MARCHF11: variants seen among roughly 807,000 people sequenced by gnomAD.
The protein encoded by MARCHF11 is E3 ubiquitin-protein ligase MARCHF11.
Under a neutral mutation model 37.3 loss-of-function variants are expected in MARCHF11, and 29 were observed. That is an observed-to-expected ratio of 0.78 (90% CI 0.58 to 1.06). The LOEUF is 1.06. Among genes scored for constraint, MARCHF11 ranks in the 50% least tolerant of loss-of-function variants. The probability of loss-of-function intolerance (pLI) is 0.00; values close to 1 mark genes in which losing one functional copy is unlikely to be tolerated. For synonymous variants in MARCHF11, 233 were observed against 228.0 expected, an observed-to-expected ratio of 1.02 and a Z score of -0.20; for missense variants, 482 against 533.4, an observed-to-expected ratio of 0.90 and a Z score of 0.95.
chr5:16,117,764 T>G (rs1057244973), intron 2 of MARCHF11, among the ~76,000 whole-genome samples: 3 of 152,198 alleles, frequency 2.0e-5, no homozygotes, highest in Admixed American at 2.0e-4. Flanking sequence ...CAAAATAACC[T>G]ACGACATAAA....
chr5:16,135,955 C>T (rs567942184), intron 2 of MARCHF11, among the ~76,000 whole-genome samples: 33 of 148,346 alleles, frequency 2.2e-4, no homozygotes, highest in African/African-American at 7.9e-4. Flanking sequence ...GCACAGAGGG[C>T]GAGAAAGAGC....
intron 2 of MARCHF11, among the ~76,000 whole-genome samples, chr5:16,142,761 G>A (rs887522473): frequency 3.5e-5 from 5 of 141,218 alleles, no homozygotes; most frequent in East Asian, 2.1e-4. Flanking sequence ...GCGTGATCTC[G>A]GCTCACCGCA....
intron 2 of MARCHF11, among the ~76,000 whole-genome samples, chr5:16,169,533 C>T (rs1328310660): frequency 6.6e-6 from 1 of 152,080 alleles, no homozygotes; most frequent in East Asian, 1.9e-4. Flanking sequence ...AATGTGTCCT[C>T]AATAAGTTCC....
chr5:16,166,612 A>G (rs1579423617), intron 2 of MARCHF11, among the ~76,000 whole-genome samples: 3 of 152,144 alleles, frequency 2.0e-5, no homozygotes, highest in Admixed American at 6.6e-5. Context: ...TATATATTTC[A>G]TAGATATGTA....
intron 2 of MARCHF11, among the ~76,000 whole-genome samples, chr5:16,172,327 G>A (rs1280785841): frequency 6.6e-6 from 1 of 152,110 alleles, no homozygotes; most frequent in Non-Finnish European, 1.5e-5. Flanking sequence ...AAATTGCCTC[G>A]TGATGTGCCG....
intron 2 of MARCHF11, among the ~76,000 whole-genome samples, chr5:16,144,815 C>T (rs983132719): frequency 2.6e-5 from 4 of 152,174 alleles, no homozygotes; most frequent in Non-Finnish European, 5.9e-5. Flanking sequence ...TAAGCAAACA[C>T]TTAAATTAAG....
At chr5:16,124,298 G>A (rs1737363081) in intron 2 of MARCHF11, among the ~76,000 whole-genome samples, 1 of 152,172 alleles carries the variant, frequency 6.6e-6, no homozygotes, top group Non-Finnish European at 1.5e-5. Flanking sequence ...ACTCACAGGA[G>A]GGACTATTAG....
chr5:16,096,596 A>C (rs1214636971), intron 2 of MARCHF11, among the ~76,000 whole-genome samples: 1 of 152,336 alleles, frequency 6.6e-6, no homozygotes, highest in South Asian at 2.1e-4. Flanking sequence ...TTGCTGTGAA[A>C]CCAGGCAAAT....
chr5:16,102,752 G>A (rs897517033), intron 2 of MARCHF11, among the ~76,000 whole-genome samples: 1 of 152,172 alleles, frequency 6.6e-6, no homozygotes, highest in Admixed American at 6.5e-5. Flanking sequence ...CAGGTCAAGA[G>A]GCTGTCACAC....
chr5:16,179,482 G>T lies in MARCHF11; in HGVS notation c.94C>A (p.Pro32Thr). The T allele has an allele frequency of 9.0e-7, 1 of 1,113,980 alleles. No homozygotes were observed. Among genetic ancestry groups the T allele is most frequent in the Non-Finnish European group, 1.1e-6 (1 of 911,680 alleles). 69.0% of individuals were successfully genotyped at this position (1,113,980 alleles called of 1,614,324 possible). The stretch of plus-strand genomic sequence containing the variant: ...GCCGGCTCTCCCGGCGGCGGCGTCG[G>T]CGGCGGCGGCGGGGGAGGTTGCGGG... ...PPPQPPPPPP[P>T]TPPPGEPAPV... The change falls in exon 1 of 4, where the codon CCG (proline) becomes ACG (threonine). Residue 32 changes from proline (P) to threonine (T), a missense_variant. Transcript: ENST00000332432.
At chr5:16,081,484 G>A (rs997225170) in intron 3 of MARCHF11, among the ~76,000 whole-genome samples, 1 of 152,152 alleles carries the variant, frequency 6.6e-6, no homozygotes, top group African/African-American at 2.4e-5. Flanking sequence ...AAACGTAAAA[G>A]CCATTCTTAG....
intron 2 of MARCHF11, among the ~76,000 whole-genome samples, chr5:16,119,117 C>T (rs946643470): frequency 2.0e-5 from 3 of 152,080 alleles, no homozygotes; most frequent in Admixed American, 6.6e-5. Context: ...AATCCCAGCA[C>T]TTTGGGAGGC....
chr5:16,095,720 C>T (rs1370005347), intron 2 of MARCHF11, among the ~76,000 whole-genome samples: 1 of 152,144 alleles, frequency 6.6e-6, no homozygotes, highest in Non-Finnish European at 1.5e-5. Context: ...CAGGATTCTT[C>T]GATCTGGGCC....
chr5:16,158,985 AT>A (rs1199299694), intron 2 of MARCHF11, among the ~76,000 whole-genome samples: 1 of 152,030 alleles, frequency 6.6e-6, no homozygotes, highest in African/African-American at 2.4e-5. Flanking sequence ...CCCCCAACAA[AT>A]GATAAGTATG....
intron 2 of MARCHF11, among the ~76,000 whole-genome samples, chr5:16,176,250 G>GT (rs1272677920): frequency 6.6e-6 from 1 of 152,118 alleles, no homozygotes; most frequent in Non-Finnish European, 1.5e-5. Flanking sequence ...CAGCCAATGA[G>GT]TGTCTGACCA....
At chr5:16,142,884 C>CTTTTT (rs61225598) in intron 2 of MARCHF11, among the ~76,000 whole-genome samples, 1 of 52,212 alleles carries the variant, frequency 1.9e-5, no homozygotes, top group Non-Finnish European at 3.0e-5. Flanking sequence ...CCACACCTGG[C>CTTTTT]TTTTTTTTTT....
intron 2 of MARCHF11, among the ~76,000 whole-genome samples, chr5:16,103,906 G>A (rs546962971): frequency 6.6e-6 from 1 of 152,172 alleles, no homozygotes; most frequent in South Asian, 2.1e-4. Context: ...TGTAAGCGAA[G>A]TTCTCATGGA....
chr5:16,171,279 T>C (rs1030573616), intron 2 of MARCHF11, among the ~76,000 whole-genome samples: 1 of 129,510 alleles, frequency 7.7e-6, no homozygotes, highest in Non-Finnish European at 1.6e-5. Context: ...TGGAGCTAAG[T>C]TGCCACCGTT....
Position 16,144,523 on chromosome 5 carries a change from C to G in MARCHF11, c.693+33203G>C, listed in dbSNP as rs149568583. On this transcript the variant is annotated intron_variant, in intron 2 of 3. Coordinates refer to ENST00000332432, the MANE Select transcript of MARCHF11 (RefSeq NM_001102562.3). ...ACATGTGCTCACTGATGTCTCCTAT[C>G]CCATCACCCTCCCTCTTCATCAGCT... 2.0e-5 allele frequency among the ~76,000 whole-genome samples: 3 copies of G among 152,302 alleles called. No homozygotes were observed. The East Asian group carries it at 5.8e-4, about 29-fold the overall frequency.
Sources: gnomAD v4.1 joint callset for allele counts (sites outside exome capture counted in the v4.1 genomes callset) on GRCh38, gnomAD v4.1.1 for gene constraint, MANE v1.5 for transcripts, NCBI Gene and HGNC (gene_info 2026-07-23, HGNC 2026-07-21) for gene names.